MTFMT: variants seen among roughly 807,000 people sequenced by gnomAD.
The protein encoded by MTFMT is mitochondrial methionyl-tRNA formyltransferase.
Under a neutral mutation model 51.8 loss-of-function variants are expected in MTFMT, and 47 were observed. That is an observed-to-expected ratio of 0.91 (90% confidence interval 0.72 to 1.16). The LOEUF is 1.16. Ranked by LOEUF, MTFMT falls within the 50% of genes most tolerant of loss-of-function variation. The pLI, the probability that MTFMT is intolerant of heterozygous loss-of-function variation, is 0.00. For synonymous variants in MTFMT, 196 were observed against 176.7 expected (o/e 1.11, Z -0.87); for missense variants, 512 against 482.3 (o/e 1.06, Z -0.58).
At chr15:65,024,281 C>T (rs997361949) in intron 2 of MTFMT, among the ~76,000 whole-genome samples, 8 of 152,176 alleles carry the variant, frequency 5.3e-5, no homozygotes, top group Non-Finnish European at 1.0e-4. Context: ...ACCGAGATCA[C>T]GCCATTGCAC....
chr15:65,026,955 A>G lies in MTFMT; in HGVS notation c.295T>C (p.Tyr99His), dbSNP rs1231137065. Reference sequence around the variant, plus strand: ...ACGGGAAGCTGAGACTGCACAGCATATTGCTTCACTGGCAGTCCTTTTGGT... The same window carrying G: ...ACGGGAAGCTGAGACTGCACAGCATGTTGCTTCACTGGCAGTCCTTTTGGT... ...PSPKGLPVKQ[Y>H]AVQSQLPVYE... The change falls in exon 2 of 9, where the codon TAT becomes CAT. Residue 99 changes from tyrosine (Y) to histidine (H), a missense_variant. By Grantham distance (83) the Tyr-to-His change is moderately conservative. Transcript: ENST00000220058. The G allele has an allele frequency of 1.2e-6, 2 of 1,613,842 alleles. No individual in the cohort carries two copies. The highest frequency in any genetic ancestry group is 1.7e-6 in the Non-Finnish European group (2 of 1,179,876).
intron 6 of MTFMT, among the ~76,000 whole-genome samples, chr15:65,008,585 C>T (rs1035547222): frequency 6.6e-6 from 1 of 152,212 alleles, no homozygotes; most frequent in Non-Finnish European, 1.5e-5. Context: ...TTCTGATTCT[C>T]AGTGCAGTGC....
chr15:65,021,203 G>T (rs918016108), intron 4 of MTFMT, among the ~76,000 whole-genome samples: 3 of 152,196 alleles, frequency 2.0e-5, no homozygotes, highest in Non-Finnish European at 2.9e-5. Context: ...TGACAGGGAT[G>T]CAAGGTATAC....
intron 5 of MTFMT, among the ~76,000 whole-genome samples, chr15:65,016,773 C>G (rs1469943117): frequency 1.4e-5 from 2 of 146,522 alleles, no homozygotes; most frequent in Admixed American, 1.4e-4. Context: ...TGAAATGAGA[C>G]TATTCAAACT....
chr15:65,023,615 G>A (rs1179329075), intron 3 of MTFMT, 57 bp downstream of exon 3: 1 of 1,580,244 alleles, frequency 6.3e-7, no homozygotes, highest in Non-Finnish European at 8.7e-7. Flanking sequence ...CCCCCAAACA[G>A]GCTGACATCA....
Position 65,009,246 on chromosome 15 carries a change from G to T in MTFMT, c.814-3055C>A, listed in dbSNP as rs549945535. On this transcript the variant is annotated intron_variant, in intron 6 of 8. Coordinates refer to ENST00000220058, the MANE Select transcript of MTFMT (RefSeq NM_139242.4). ...GTACAGGGAAGATAAACCGCAGAGG[G>T]TAAGAATCATCATGTAGTAAGTTAT... 2.0e-5 allele frequency among the ~76,000 whole-genome samples: 3 copies of T among 152,300 alleles called. No individual in the cohort carries two copies. In the East Asian group the frequency reaches 5.8e-4, roughly 29 times the overall value.
Position 65,020,220 on chromosome 15 carries a change from T to C in MTFMT, c.698A>G (p.Gln233Arg). The part of the protein sequence containing the change: ...LPESLSNGRQ[Q>R]PMEGATYAPK... ...ACCGTAAGTCGCCCCCTCCATTGGC[T>C]GCTGCCTTCCATTGCTCAGACTTTC... is the stretch of plus-strand genomic sequence containing the variant. Residue 233 changes from glutamine to arginine, a missense_variant, in exon 5 of 9, where the codon CAG (glutamine) becomes CGG (arginine). By Grantham distance (43) the Gln-to-Arg change is conservative. Coordinates refer to ENST00000220058, the MANE Select transcript of MTFMT (RefSeq NM_139242.4). 6.2e-7 allele frequency: 1 copy of C among 1,612,648 alleles called. No homozygotes were observed. Among genetic ancestry groups the C allele is most frequent in the South Asian group, 1.1e-5 (1 of 90,900 alleles).
chr15:65,022,195 G>A (rs1222491429), intron 3 of MTFMT, among the ~76,000 whole-genome samples: 1 of 152,220 alleles, frequency 6.6e-6, no homozygotes, highest in East Asian at 1.9e-4. Flanking sequence ...AGGCGTAGTG[G>A]CTCATGCCTG....
chr15:65,021,097 G>C (rs2086370332), intron 4 of MTFMT, among the ~76,000 whole-genome samples: 1 of 152,218 alleles, frequency 6.6e-6, no homozygotes, highest in African/African-American at 2.4e-5. Context: ...TCTATAGGTA[G>C]AATGGTCAGC....
chr15:65,004,895 T>G lies in MTFMT; in HGVS notation c.934A>C (p.Ile312Leu), dbSNP rs1317674560. Residue 312 changes from isoleucine (I) to leucine (L), a missense_variant, in exon 8 of 9, where the codon ATA becomes CTA. Transcript: ENST00000220058. ...TGQALIPGSV[I>L]YHKQSQILLV... ...AGTATTTGTGACTGTTTGTGGTATA[T>G]TACTGATCCTGGAATAAGAGCCTGT... 9.3e-6 allele frequency: 15 copies of G among 1,611,962 alleles called. No individual in the cohort carries two copies. The highest frequency in any genetic ancestry group is 1.2e-5 in the Non-Finnish European group (14 of 1,178,498).
chr15:65,022,959 G>T (rs1210337204), intron 3 of MTFMT, among the ~76,000 whole-genome samples: 1 of 152,032 alleles, frequency 6.6e-6, no homozygotes, highest in Non-Finnish European at 1.5e-5. Flanking sequence ...CAAAGTTTAG[G>T]ATTACAGGCG....
In MTFMT at chr15:65,001,792, G is replaced by C. The variant is rs1023968388; in HGVS notation, c.*1270C>G. ...GCTGGAGGATCACTTAAGCCCAGGAGGTTGAAGATGCAGTAAGCAGTGTTT... is the reference window on the plus strand; with the variant it reads ...GCTGGAGGATCACTTAAGCCCAGGACGTTGAAGATGCAGTAAGCAGTGTTT... On this transcript the variant is annotated 3_prime_UTR_variant, in exon 9 of 9. Coordinates refer to ENST00000220058, the MANE Select transcript of MTFMT (RefSeq NM_139242.4). 6.6e-5 allele frequency: 10 copies of C among 152,012 alleles called. No individual in the cohort carries two copies. The highest frequency in any genetic ancestry group is 2.4e-4 in the African/African-American group (10 of 41,378). 9.4% of individuals were successfully genotyped at this position (152,012 alleles called of 1,614,324 possible). A position where few individuals can be genotyped will look rare whatever the true frequency, so the allele number is the denominator to read the frequency against.
chr15:65,026,960 T>G lies in MTFMT; in HGVS notation c.290A>C (p.Lys97Thr), dbSNP rs776793668. Residue 97 changes from lysine (K) to threonine (T), a missense_variant, in exon 2 of 9, where the codon AAG (lysine) becomes ACG (threonine). Transcript: ENST00000220058. Reference sequence around the variant, plus strand: ...AAGCTGAGACTGCACAGCATATTGCTTCACTGGCAGTCCTTTTGGTGATGG... The same window carrying G: ...AAGCTGAGACTGCACAGCATATTGCGTCACTGGCAGTCCTTTTGGTGATGG... ...PSPSPKGLPV[K>T]QYAVQSQLPV... is the part of the protein sequence containing the mutation. 1 of 1,614,018 alleles carries G rather than the reference T, an allele frequency of 6.2e-7. No homozygotes were observed. The highest frequency in any genetic ancestry group is 8.5e-7 in the Non-Finnish European group (1 of 1,179,882).
At chr15:65,026,520 C>T (rs1200618429) in intron 2 of MTFMT, 1 of 302,870 alleles carries the variant, frequency 3.3e-6, no homozygotes, top group Non-Finnish European at 6.4e-6. Flanking sequence ...AAGGGAACAT[C>T]TTAAGTTACT....
At position 65,020,116 on chromosome 15, in the gene MTFMT, G is replaced by C. The variant is rs1230500171; in HGVS notation, c.721+81C>G. ...CAATCAAAATTAAGGGAAAAGTACAGCTAAGAAGTCAGAATGTTCAGATGC... is the reference window on the plus strand; with the variant it reads ...CAATCAAAATTAAGGGAAAAGTACACCTAAGAAGTCAGAATGTTCAGATGC... On this transcript the variant is annotated intron_variant, in intron 5 of 8. Transcript: ENST00000220058. 3.0e-6 allele frequency: 4 copies of C among 1,319,118 alleles called. No individual in the cohort carries two copies. The Admixed American group carries it at 9.5e-5, about 31-fold the overall frequency. 81.7% of individuals were successfully genotyped at this position (1,319,118 alleles called of 1,614,324 possible).
At chr15:65,024,309 G>C (rs1374006799) in intron 2 of MTFMT, among the ~76,000 whole-genome samples, 2 of 152,090 alleles carry the variant, frequency 1.3e-5, no homozygotes, top group African/African-American at 4.8e-5. Flanking sequence ...TGGGCAACAA[G>C]AGCGAAACTC....
At chr15:65,014,618 G>A (rs1186855094) in intron 6 of MTFMT, among the ~76,000 whole-genome samples, 1 of 149,332 alleles carries the variant, frequency 6.7e-6, no homozygotes, top group Non-Finnish European at 1.5e-5. Context: ...GAGCCACCAT[G>A]CCCGGTCTTT....
At chr15:65,005,011 CA>C (rs763034542) in intron 7 of MTFMT, 75 bp from the exon 8 acceptor site, 4 of 1,035,730 alleles carry the variant, frequency 3.9e-6, no homozygotes, top group Non-Finnish European at 5.9e-6. Flanking sequence ...TCTTAAAAAT[CA>C]AAAAACATCT....
intron 6 of MTFMT, among the ~76,000 whole-genome samples, chr15:65,011,008 T>C (rs2086259472): frequency 6.6e-6 from 1 of 152,184 alleles, no homozygotes; most frequent in South Asian, 2.1e-4. Context: ...GCCATTCATA[T>C]TATGTATCTG....
Sources: gnomAD v4.1 joint callset for allele counts (sites outside exome capture counted in the v4.1 genomes callset) on GRCh38, gnomAD v4.1.1 for gene constraint, MANE v1.5 for transcripts, NCBI Gene and HGNC (gene_info 2026-07-23, HGNC 2026-07-21) for gene names.